DOCK5: variants seen among roughly 807,000 people sequenced by gnomAD.
DOCK5 encodes the protein dedicator of cytokinesis protein 5.
In DOCK5, 142 loss-of-function variants were observed where a neutral mutation model predicts 251.8. The ratio of observed to expected loss-of-function variants is 0.56; its 90% CI spans 0.49 to 0.65. The LOEUF (loss-of-function observed/expected upper bound fraction) is 0.65. DOCK5 is among the 30% of genes least tolerant of loss of function. The probability of loss-of-function intolerance (pLI) is 0.00; values close to 1 mark genes in which losing one functional copy is unlikely to be tolerated. For missense variants in DOCK5, 2,111 were observed against 2,312.3 expected, an observed-to-expected ratio of 0.91 and a Z score of 1.79; for synonymous variants, 842 against 835.5, an observed-to-expected ratio of 1.01 and a Z score of -0.13.
intron 40 of DOCK5, among the ~76,000 whole-genome samples, chr8:25,383,775 A>C (rs1338614682): frequency 6.6e-6 from 1 of 152,070 alleles, no homozygotes; most frequent in Non-Finnish European, 1.5e-5. Context: ...GAATTGCTTG[A>C]ACCCAGGAGG....
intron 1 of DOCK5, among the ~76,000 whole-genome samples, chr8:25,239,341 A>ATGTATG (rs1554521929): frequency 7.0e-6 from 1 of 142,204 alleles, no homozygotes; most frequent in Non-Finnish European, 1.5e-5. Context: ...GTGTGTGTGT[A>ATGTATG]TGTGTGTGTG....
chr8:25,246,571 C>T (rs1803116967), intron 2 of DOCK5, among the ~76,000 whole-genome samples: 1 of 152,176 alleles, frequency 6.6e-6, no homozygotes, highest in African/African-American at 2.4e-5. Flanking sequence ...GCCACCGCAC[C>T]TGGTCAGGAA....
intron 2 of DOCK5, among the ~76,000 whole-genome samples, chr8:25,267,837 C>T (rs1041553080): frequency 1.3e-5 from 2 of 151,884 alleles, no homozygotes; most frequent in Admixed American, 1.3e-4. Flanking sequence ...GGTTGGAAAA[C>T]ATCTATAGGG....
rs1403956039 is a variant in DOCK5 at position 25,210,008 on chromosome 8, T to TTTTATATA, written c.43+25058_43+25059insTTATATAT. ...GGCACATGCCACCATCCCCGGCTAATTATATATATATATATATATATATAT... is the reference window on the plus strand; with the variant it reads ...GGCACATGCCACCATCCCCGGCTAATTTTATATATATATATATATATATATATATATAT... On this transcript the variant is annotated intron_variant, in intron 1 of 51. Transcript: ENST00000276440. Among the ~76,000 whole-genome samples, 4 of 27,212 alleles carry TTTTATATA rather than the reference T, an allele frequency of 1.5e-4. 1 individual carries two copies. The highest frequency in any genetic ancestry group is 4.3e-4 in the African/African-American group (4 of 9,296). 17.9% of individuals were successfully genotyped at this position (27,212 alleles called of 152,430 possible).
In DOCK5 at chr8:25,384,876, T is replaced by C. The variant is rs1024507487; in HGVS notation, c.4131+2098T>C. Among the ~76,000 whole-genome samples, 3 of 151,914 alleles carry C rather than the reference T, an allele frequency of 2.0e-5. No homozygotes were observed. The South Asian group carries it at 6.2e-4, about 32-fold the overall frequency. ...TGAGCTCGGGAGGCAGAAATTGCAA[T>C]GAGCCGAGATGGTGCCACTGCACTC... On this transcript the variant is annotated intron_variant, in intron 40 of 51. Transcript: ENST00000276440.
intron 48 of DOCK5, among the ~76,000 whole-genome samples, chr8:25,405,563 G>T (rs942456250): frequency 5.9e-5 from 9 of 151,748 alleles, no homozygotes; most frequent in African/African-American, 2.2e-4. Flanking sequence ...AATTATTATA[G>T]ATATAAAACA....
Position 25,324,583 on chromosome 8 carries a change from A to T in DOCK5, c.1719+632A>T, listed in dbSNP as rs569836328. On this transcript the variant is annotated intron_variant, in intron 17 of 51. Coordinates refer to ENST00000276440, the MANE Select transcript of DOCK5 (RefSeq NM_024940.8). ...ATTTTTCTTAACATCTTAGTTTATGAATCATTTTGGAAGGGATGGCAAGCT... is the reference window on the plus strand; with the variant it reads ...ATTTTTCTTAACATCTTAGTTTATGTATCATTTTGGAAGGGATGGCAAGCT... Among the ~76,000 whole-genome samples the T allele has an allele frequency of 1.1e-4, 17 of 152,276 alleles. No homozygotes were observed. In the East Asian group the frequency reaches 3.3e-3, roughly 29 times the overall value.
rs139977020 is a variant in DOCK5, at chr8:25,356,730, C to T, written c.2851-2233C>T. 2.9e-4 allele frequency among the ~76,000 whole-genome samples: 41 copies of T among 143,646 alleles called. 1 individual carries two copies. The East Asian group carries it at 8.7e-3, about 30-fold the overall frequency. The allele number at this position is 143,646 out of a possible 152,430, so 94.2% of individuals were successfully genotyped here. ...AATTTGTTCAACTTCATGCTATACC[C>T]ACAAAATAAATGTCAGAGTGAAGTG... On this transcript the variant is annotated intron_variant, in intron 27 of 51. Coordinates refer to ENST00000276440, the MANE Select transcript of DOCK5 (RefSeq NM_024940.8).
In DOCK5 at chr8:25,368,993, C is replaced by A. The variant is rs556406296; in HGVS notation, c.3438+268C>A. On this transcript the variant is annotated intron_variant, in intron 33 of 51. Transcript: ENST00000276440. ...GGAAGTTAACTTCATGCATTTTAAT[C>A]CTAGCTGTTTCAGTATAGCCTAGAG... Among the ~76,000 whole-genome samples, 3 of 152,324 alleles carry A rather than the reference C, an allele frequency of 2.0e-5. No homozygotes were observed. In the East Asian group the frequency reaches 5.8e-4, roughly 29 times the overall value.
At chr8:25,374,453 C>T in intron 36 of DOCK5, 111 bp from the exon 37 acceptor site, 1 of 1,005,656 alleles carries the variant, frequency 9.9e-7, no homozygotes, top group Admixed American at 2.3e-5. Flanking sequence ...CATGATCGGA[C>T]CACTGCATAC....
Position 25,308,881 on chromosome 8 carries a change from T to G in DOCK5, c.1148T>G (p.Leu383Trp), listed in dbSNP as rs746217966. The G allele has an allele frequency of 6.2e-7, 1 of 1,613,730 alleles. No individual in the cohort carries two copies. The highest frequency in any genetic ancestry group is 1.7e-5 in the Admixed American group (1 of 59,998). The change falls in exon 12 of 52, where the codon TTG (leucine) becomes TGG (tryptophan). Residue 383 changes from leucine to tryptophan, a missense_variant. Around this residue, in one of 3 missense-constraint regions of DOCK5, gnomAD observed 1,717 missense variants for 1,892.4 expected, o/e 0.91. Transcript: ENST00000276440. ...GAGAATGAGCCACTCACTTCAGTCTTGAATAAAGTGATTGCAGCAAAGGAA... is the reference window on the plus strand; with the variant it reads ...GAGAATGAGCCACTCACTTCAGTCTGGAATAAAGTGATTGCAGCAAAGGAA... ...IGENEPLTSV[L>W]NKVIAAKEVN...
At chr8:25,380,509 A>G (rs2117300827) in intron 39 of DOCK5, 115 bp downstream of exon 39, 1 of 872,486 alleles carries the variant, frequency 1.1e-6, no homozygotes, top group Middle Eastern at 2.3e-4. Flanking sequence ...ACAATGGAAA[A>G]GTCAACTTTG....
intron 1 of DOCK5, among the ~76,000 whole-genome samples, chr8:25,226,646 C>T (rs55894059): frequency 1.3e-5 from 2 of 150,188 alleles, no homozygotes; most frequent in Admixed American, 6.6e-5. Flanking sequence ...AGTGCAGTGG[C>T]GTGATCTCAG....
At chr8:25,294,294 G>A (rs1280544306) in intron 6 of DOCK5, among the ~76,000 whole-genome samples, 4 of 152,270 alleles carry the variant, frequency 2.6e-5, no homozygotes, top group Admixed American at 6.5e-5. Context: ...GGGTCTGGCC[G>A]CCATGGAAAG....
At chr8:25,397,955 C>T (rs1801375669) in intron 45 of DOCK5, among the ~76,000 whole-genome samples, 1 of 152,160 alleles carries the variant, frequency 6.6e-6, no homozygotes, top group Admixed American at 6.5e-5. Flanking sequence ...TCATTAATCA[C>T]CATGATGTAT....
intron 27 of DOCK5, among the ~76,000 whole-genome samples, chr8:25,352,126 T>A (rs1800480406): frequency 6.7e-6 from 1 of 149,498 alleles, no homozygotes; most frequent in Non-Finnish European, 1.5e-5. Flanking sequence ...GGTGGGAGGA[T>A]CACTTAAACG....
At chr8:25,253,604 A>G (rs17053252) in intron 2 of DOCK5, among the ~76,000 whole-genome samples, 4,056 of 152,274 alleles carry the variant, frequency 0.027, 214 homozygotes, top group African/African-American at 0.092. Flanking sequence ...CTTAGAGGAA[A>G]GTTTAAAATT....
At chr8:25,373,085 C>T (rs537972153) in intron 35 of DOCK5, among the ~76,000 whole-genome samples, 4 of 151,726 alleles carry the variant, frequency 2.6e-5, no homozygotes, top group Non-Finnish European at 2.9e-5. Context: ...CCGCAACCTC[C>T]GCCTCCTGGG....
chr8:25,239,234 C>T (rs557954254), intron 1 of DOCK5, among the ~76,000 whole-genome samples: 7 of 151,966 alleles, frequency 4.6e-5, no homozygotes, highest in East Asian at 3.9e-4. Context: ...CAGATAATTA[C>T]GGGCTGGGAC....
Sources: allele counts gnomAD v4.1 joint callset (sites outside exome capture counted in the v4.1 genomes callset), GRCh38; gene constraint gnomAD v4.1.1; regional missense constraint gnomAD v4.1.1; transcripts MANE v1.5; gene names NCBI Gene and HGNC (gene_info 2026-07-23, HGNC 2026-07-21).